The following WAC variants were observed in gnomAD, a reference collection of about 807,000 sequenced individuals.
The protein encoded by WAC is WW domain containing adaptor with coiled-coil, also known as WW domain-containing adapter protein with coiled-coil.
Under a neutral mutation model 79.6 loss-of-function variants are expected in WAC, and 11 were observed. The observed-to-expected ratio is 0.14, with a 90% CI of 0.09 to 0.23. WAC has a LOEUF of 0.23. Among genes scored for constraint, WAC ranks in the 10% least tolerant of loss-of-function variants. The pLI is 1.00. For missense variants in WAC, 728 were observed against 773.5 expected (o/e 0.94, Z 0.70); for synonymous variants, 304 against 276.9 (o/e 1.10, Z -0.97).
Position 28,595,846 on chromosome 10 carries a change from A to T in WAC, c.724A>T (p.Ser242Cys), listed in dbSNP as rs972194690. ...YRLPRAETHS[S>C]STPVQHPIKP... The stretch of plus-strand genomic sequence containing the variant: ...ACTGCCAAGAGCAGAGACTCACAGT[A>T]GTTCTACGCCAGTACAGCACCCCAT... Residue 242 changes from serine (S) to cysteine (C), a missense_variant, in exon 7 of 14, where the codon AGT becomes TGT. By Grantham distance (112) the Ser-to-Cys change is moderately radical. Coordinates refer to ENST00000354911, the MANE Select transcript of WAC (RefSeq NM_016628.5). The T allele has an allele frequency of 2.5e-6, 4 of 1,614,066 alleles. No individual in the cohort carries two copies. In the African/African-American group the frequency reaches 4.0e-5, roughly 16 times the overall value.
At chr10:28,592,344 C>T (rs1840135336) in intron 6 of WAC, among the ~76,000 whole-genome samples, 1 of 152,102 alleles carries the variant, frequency 6.6e-6, no homozygotes, top group South Asian at 2.1e-4. Context: ...TGACAGATGG[C>T]TGGGTGTGAT....
intron 3 of WAC, among the ~76,000 whole-genome samples, chr10:28,569,389 T>G (rs1838826386): frequency 1.3e-5 from 2 of 152,240 alleles, no homozygotes; most frequent in Admixed American, 6.5e-5. Context: ...TGTTTGAATG[T>G]TATCAACTGC....
intron 3 of WAC, among the ~76,000 whole-genome samples, chr10:28,558,405 C>G (rs1365632106): frequency 6.6e-6 from 1 of 152,040 alleles, no homozygotes; most frequent in East Asian, 1.9e-4. Flanking sequence ...AATGTTTGAG[C>G]AGTTGCCTTA....
upstream of WAC, chr10:28,532,806 A>C (rs773168720): frequency 2.6e-5 from 4 of 152,646 alleles, no homozygotes; most frequent in Non-Finnish European, 4.4e-5. Flanking sequence ...CTCGCGCCCC[A>C]CCGTCCTCTT....
At chr10:28,563,893 C>T (rs1838448218) in intron 3 of WAC, among the ~76,000 whole-genome samples, 1 of 151,690 alleles carries the variant, frequency 6.6e-6, no homozygotes, top group African/African-American at 2.4e-5. Flanking sequence ...GCCACTGTGC[C>T]CAGCTTAGTA....
chr10:28,541,572 G>C (rs948410190), intron 3 of WAC, among the ~76,000 whole-genome samples: 4 of 151,702 alleles, frequency 2.6e-5, no homozygotes, highest in Non-Finnish European at 1.5e-5. Context: ...TATATTCTAT[G>C]AACAGTCCTT....
intron 3 of WAC, among the ~76,000 whole-genome samples, chr10:28,581,018 G>A (rs1839503989): frequency 2.0e-5 from 3 of 152,120 alleles, no homozygotes; most frequent in Admixed American, 6.5e-5. Flanking sequence ...CATACAGGAT[G>A]CACTTAATTC....
intron 7 of WAC, among the ~76,000 whole-genome samples, chr10:28,607,302 G>A (rs1046251859): frequency 6.6e-6 from 1 of 152,080 alleles, no homozygotes; most frequent in Non-Finnish European, 1.5e-5. Flanking sequence ...TGTTTTAAAT[G>A]TAAGTTTTTA....
intron 12 of WAC, 133 bp downstream of exon 12, chr10:28,616,495 T>G: frequency 1.2e-6 from 1 of 810,486 alleles, no homozygotes; most frequent in Non-Finnish European, 1.8e-6. Context: ...TTTGTAGTCA[T>G]TTAAAAAATA....
intron 3 of WAC, among the ~76,000 whole-genome samples, chr10:28,582,689 CAA>C (rs1839599889): frequency 6.6e-6 from 1 of 152,156 alleles, no homozygotes; most frequent in South Asian, 2.1e-4. Context: ...TGTCATTCAT[CAA>C]AGTGTTTTTG....
At chr10:28,545,592 C>T (rs1694796364) in intron 3 of WAC, among the ~76,000 whole-genome samples, 1 of 152,174 alleles carries the variant, frequency 6.6e-6, no homozygotes, top group Non-Finnish European at 1.5e-5. Flanking sequence ...CTGAAGTGGA[C>T]ATTAAGGAAT....
intron 6 of WAC, 173 bp downstream of exon 6, chr10:28,591,005 A>G: frequency 5.0e-6 from 3 of 605,210 alleles, no homozygotes; most frequent in Non-Finnish European, 5.9e-6. Context: ...GAAAAGGGAA[A>G]AGATACACGG....
chr10:28,547,077 T>C (rs1818774291), intron 3 of WAC, among the ~76,000 whole-genome samples: 1 of 152,222 alleles, frequency 6.6e-6, no homozygotes, highest in South Asian at 2.1e-4. Flanking sequence ...TGTCAGTAGA[T>C]AAGCTTTTAA....
Position 28,620,702 on chromosome 10 carries a change from TA to T in WAC, c.*1097del, listed in dbSNP as rs1273022605. On this transcript the variant is annotated 3_prime_UTR_variant, in exon 14 of 14. Coordinates refer to ENST00000354911, the MANE Select transcript of WAC (RefSeq NM_016628.5). ...TATTAACAGGAAATTGTGTATGAGA[TA>T]TTTAATGAAATAAGAAATTCAACAA... The T allele has an allele frequency of 1.3e-5, 2 of 152,222 alleles. No homozygotes were observed. Among genetic ancestry groups the T allele is most frequent in the Non-Finnish European group, 2.9e-5 (2 of 68,028 alleles). 9.4% of individuals were successfully genotyped at this position (152,222 alleles called of 1,614,324 possible).
chr10:28,569,822 T>C (rs1838848198), intron 3 of WAC, among the ~76,000 whole-genome samples: 1 of 152,262 alleles, frequency 6.6e-6, no homozygotes, highest in Non-Finnish European at 1.5e-5. Context: ...TTATAGTAAG[T>C]AACATTTCCA....
chr10:28,606,302 C>A (rs917942424), intron 7 of WAC, among the ~76,000 whole-genome samples: 1 of 152,202 alleles, frequency 6.6e-6, no homozygotes, highest in East Asian at 1.9e-4. Context: ...TTGCAAAATG[C>A]TGGGATTATA....
intron 4 of WAC, 64 bp downstream of exon 4, chr10:28,583,569 TAC>T: frequency 1.4e-6 from 1 of 703,870 alleles, no homozygotes; most frequent in Non-Finnish European, 2.2e-6. Context: ...AAAAAAAAAA[TAC>T]AACCCATGGC....
intron 4 of WAC, among the ~76,000 whole-genome samples, chr10:28,586,133 TTA>T (rs1023827061): frequency 6.6e-6 from 1 of 152,198 alleles, no homozygotes; most frequent in African/African-American, 2.4e-5. Context: ...AAATTTAATC[TTA>T]CCTGAAAAGT....
intron 3 of WAC, among the ~76,000 whole-genome samples, chr10:28,566,238 T>G (rs989691681): frequency 1.3e-5 from 2 of 152,070 alleles, no homozygotes; most frequent in African/African-American, 4.8e-5. Context: ...ATTAAATGTT[T>G]GTTAAGTGAG....
Sources: gnomAD v4.1 joint callset for allele counts (sites outside exome capture counted in the v4.1 genomes callset) on GRCh38, gnomAD v4.1.1 for gene constraint, MANE v1.5 for transcripts, NCBI Gene and HGNC (gene_info 2026-07-23, HGNC 2026-07-21) for gene names.